Variants in CYFIP2 observed in about 807,000 individuals in gnomAD.
CYFIP2 encodes cytoplasmic FMR1 interacting protein 2, also known as cytoplasmic FMR1-interacting protein 2.
Under a neutral mutation model 158.7 loss-of-function variants are expected in CYFIP2, and 29 were observed. The observed-to-expected ratio is 0.18, with a 90% confidence interval of 0.14 to 0.25. The LOEUF (loss-of-function observed/expected upper bound fraction) is 0.25, where lower values mean the gene tolerates loss of function less well. Ranked by LOEUF, CYFIP2 falls within the 10% of genes least tolerant of loss-of-function variation. The pLI is 1.00. For missense variants in CYFIP2, 852 were observed against 1,639.5 expected (o/e 0.52, Z 8.29); for synonymous variants, 585 against 617.6 (o/e 0.95, Z 0.78).
At chr5:157,362,303 T>C (rs1483763076) in intron 26 of CYFIP2, among the ~76,000 whole-genome samples, 1 of 152,220 alleles carries the variant, frequency 6.6e-6, no homozygotes, top group Non-Finnish European at 1.5e-5. Context: ...TTCCCTCTTA[T>C]CTGAGGTCTG....
At chr5:157,373,403 C>T (rs1335892935) in intron 26 of CYFIP2, among the ~76,000 whole-genome samples, 1 of 152,194 alleles carries the variant, frequency 6.6e-6, no homozygotes, top group Admixed American at 6.5e-5. Flanking sequence ...AGAAAGAGCA[C>T]TGCCACTTTC....
intron 6 of CYFIP2, among the ~76,000 whole-genome samples, chr5:157,301,863 G>C (rs1468728474): frequency 2.0e-5 from 3 of 152,082 alleles, no homozygotes; most frequent in African/African-American, 7.2e-5. Context: ...AGGATTTGCT[G>C]TGTCTCTGAT....
chr5:157,383,384 G>C (rs574344925), intron 28 of CYFIP2, 25 bp downstream of exon 28: 1 of 1,596,250 alleles, frequency 6.3e-7, no homozygotes, highest in African/African-American at 1.3e-5. Flanking sequence ...TAATAAATGG[G>C]CTCTGATCAC....
At chr5:157,305,645 G>A (rs1325876968) in intron 8 of CYFIP2, among the ~76,000 whole-genome samples, 2 of 152,082 alleles carry the variant, frequency 1.3e-5, no homozygotes, top group Non-Finnish European at 1.5e-5. Context: ...TGAGTAGCTG[G>A]GACTACAGGC....
intron 5 of CYFIP2, among the ~76,000 whole-genome samples, chr5:157,298,103 C>A (rs556146076): frequency 2.0e-5 from 3 of 152,152 alleles, no homozygotes; most frequent in African/African-American, 4.8e-5. Context: ...TTCTCCTCCC[C>A]CTTCCTTCCC....
At chr5:157,315,664 G>A (rs941153864) in intron 13 of CYFIP2, among the ~76,000 whole-genome samples, 3 of 152,216 alleles carry the variant, frequency 2.0e-5, no homozygotes, top group African/African-American at 7.2e-5. Context: ...CAACTGTGCA[G>A]AGATATTTGT....
At chr5:157,309,198 ATAG>A (rs1759497519) in intron 9 of CYFIP2, among the ~76,000 whole-genome samples, 1 of 152,236 alleles carries the variant, frequency 6.6e-6, no homozygotes, top group Non-Finnish European at 1.5e-5. Context: ...AGTGCTTGGC[ATAG>A]TACCTAGTGC....
intron 23 of CYFIP2, chr5:157,341,908 G>A (rs1352099362): frequency 6.6e-6 from 1 of 152,268 alleles, no homozygotes; most frequent in Non-Finnish European, 1.5e-5. Context: ...GAAGCTGACT[G>A]ACAGCATTTG....
chr5:157,336,534 A>AT (rs1761869510), intron 21 of CYFIP2, among the ~76,000 whole-genome samples: 1 of 152,184 alleles, frequency 6.6e-6, no homozygotes, highest in African/African-American at 2.4e-5. Flanking sequence ...TGTGTGACCT[A>AT]CGAGGCCTCA....
At chr5:157,391,389 C>T (rs1767270817) in intron 30 of CYFIP2, among the ~76,000 whole-genome samples, 1 of 152,150 alleles carries the variant, frequency 6.6e-6, no homozygotes, top group African/African-American at 2.4e-5. Flanking sequence ...TCCCAACATC[C>T]ACCTCCAGAG....
At chr5:157,291,907 G>C (rs953071537) in intron 3 of CYFIP2, among the ~76,000 whole-genome samples, 2 of 151,930 alleles carry the variant, frequency 1.3e-5, no homozygotes, top group African/African-American at 4.8e-5. Flanking sequence ...TCTTTCTTTG[G>C]TGATTTTTTT....
intron 15 of CYFIP2, among the ~76,000 whole-genome samples, chr5:157,322,113 G>T (rs2113116660): frequency 6.6e-6 from 1 of 152,290 alleles, no homozygotes; most frequent in South Asian, 2.1e-4. Flanking sequence ...CCTCTACCAG[G>T]TCATGCTAGG....
chr5:157,332,330 C>G (rs576233100), intron 20 of CYFIP2, among the ~76,000 whole-genome samples: 40 of 152,286 alleles, frequency 2.6e-4, no homozygotes, highest in Non-Finnish European at 5.0e-4. Context: ...TTCTTTCTCT[C>G]ATGTATGTAT....
rs376568198 is a variant in CYFIP2, at chr5:157,294,815, G to A, written c.240G>A (p.Ala80=). ...TGCTGGAGGAAGGACATGAGTATGC[G>A]GTCATGCTGTACACCTGGCGCAGCT... ...NEMLEEGHEY[A]VMLYTWRSCS... The change falls in exon 4 of 31, where the codon GCG becomes GCA. Residue 80 remains alanine, a synonymous_variant. Transcript: ENST00000620254. The A allele has an allele frequency of 7.4e-6, 12 of 1,613,634 alleles. No individual in the cohort carries two copies. The African/African-American group carries it at 8.0e-5, about 11-fold the overall frequency.
chr5:157,373,546 T>A (rs1193967084), intron 26 of CYFIP2, among the ~76,000 whole-genome samples: 1 of 152,196 alleles, frequency 6.6e-6, no homozygotes. Flanking sequence ...GAGCTGGTAC[T>A]TGAGTGAATA....
intron 18 of CYFIP2, among the ~76,000 whole-genome samples, chr5:157,327,324 G>A (rs1761102454): frequency 6.6e-6 from 1 of 152,160 alleles, no homozygotes; most frequent in African/African-American, 2.4e-5. Context: ...TAGCACTTTG[G>A]GAGGCCAAGG....
intron 1 of CYFIP2, among the ~76,000 whole-genome samples, chr5:157,280,585 G>C (rs557380318): frequency 6.6e-6 from 1 of 152,140 alleles, no homozygotes; most frequent in South Asian, 2.1e-4. Context: ...GAGAAAAAAA[G>C]GGAAGTTGGA....
intron 1 of CYFIP2, among the ~76,000 whole-genome samples, chr5:157,283,001 A>T (rs1226591633): frequency 6.6e-6 from 1 of 152,246 alleles, no homozygotes; most frequent in Non-Finnish European, 1.5e-5. Flanking sequence ...CACCTAGCGT[A>T]GAGGTTGGTA....
At chr5:157,328,879 T>C (rs916685803) in intron 19 of CYFIP2, among the ~76,000 whole-genome samples, 7 of 152,200 alleles carry the variant, frequency 4.6e-5, no homozygotes, top group African/African-American at 1.7e-4. Context: ...TGCCAGTATA[T>C]GTTGATTCAG....
Sources: allele counts gnomAD v4.1 joint callset (sites outside exome capture counted in the v4.1 genomes callset), GRCh38; gene constraint gnomAD v4.1.1; transcripts MANE v1.5; gene names NCBI Gene and HGNC (gene_info 2026-07-23, HGNC 2026-07-21).